The following CADPS2 variants were observed in gnomAD, a reference collection of about 807,000 sequenced individuals.
CADPS2 encodes calcium-dependent secretion activator 2.
In CADPS2, 93 loss-of-function variants were observed where a neutral mutation model predicts 172.5. The observed-to-expected ratio is 0.54, with a 90% CI of 0.46 to 0.64. CADPS2 has a LOEUF of 0.64. Among genes scored for constraint, CADPS2 ranks in the 30% least tolerant of loss-of-function variants. The pLI, the probability that CADPS2 is intolerant of heterozygous loss-of-function variation, is 0.00. For synonymous variants in CADPS2, 546 were observed against 555.2 expected, an observed-to-expected ratio of 0.98 and a Z score of 0.23; for missense variants, 1,420 against 1,565.9, an observed-to-expected ratio of 0.91 and a Z score of 1.57.
intron 2 of CADPS2, among the ~76,000 whole-genome samples, chr7:122,677,663 TA>T (rs2082527437): frequency 1.3e-5 from 2 of 151,850 alleles, no homozygotes; most frequent in African/African-American, 4.8e-5. Flanking sequence ...ACAACAACAA[TA>T]AAAACCCAAA....
At chr7:122,346,447 C>T (rs949585634) in intron 27 of CADPS2, among the ~76,000 whole-genome samples, 6 of 151,884 alleles carry the variant, frequency 4.0e-5, no homozygotes, top group African/African-American at 7.3e-5. Flanking sequence ...CTACTATGGG[C>T]GTTCAAGGAA....
At chr7:122,541,725 A>G (rs998447354) in intron 8 of CADPS2, among the ~76,000 whole-genome samples, 2 of 144,876 alleles carry the variant, frequency 1.4e-5, no homozygotes, top group Non-Finnish European at 3.0e-5. Flanking sequence ...ACATATATTC[A>G]TATATATTTA....
intron 9 of CADPS2, among the ~76,000 whole-genome samples, chr7:122,502,026 C>A (rs2059247850): frequency 6.6e-6 from 1 of 151,846 alleles, no homozygotes; most frequent in Non-Finnish European, 1.5e-5. Flanking sequence ...TCCCGAATAG[C>A]AAGCCAATTA....
chr7:122,593,673 T>G (rs994638177), intron 6 of CADPS2, among the ~76,000 whole-genome samples: 1 of 151,942 alleles, frequency 6.6e-6, no homozygotes, highest in Non-Finnish European at 1.5e-5. Context: ...GTTTTGAATA[T>G]TAAAGTTTTC....
At chr7:122,600,474 G>A (rs1304891778) in intron 6 of CADPS2, among the ~76,000 whole-genome samples, 1 of 152,038 alleles carries the variant, frequency 6.6e-6, no homozygotes, top group African/African-American at 2.4e-5. Context: ...TCATCTGTTA[G>A]TAAGTCTCAT....
At chr7:122,412,340 T>C (rs2047410433) in intron 19 of CADPS2, among the ~76,000 whole-genome samples, 1 of 152,196 alleles carries the variant, frequency 6.6e-6, no homozygotes, top group African/African-American at 2.4e-5. Context: ...CTTTAGTATA[T>C]TCCTTAGGCA....
At chr7:122,468,702 G>C (rs1007862968) in intron 14 of CADPS2, among the ~76,000 whole-genome samples, 6 of 152,174 alleles carry the variant, frequency 3.9e-5, no homozygotes, top group Non-Finnish European at 8.8e-5. Context: ...GGGTCAGTTT[G>C]CAAATTTCAG....
intron 1 of CADPS2, among the ~76,000 whole-genome samples, chr7:122,807,787 A>G (rs2190258): frequency 0.44 from 66,536 of 151,742 alleles, 17,054 homozygotes; most frequent in African/African-American, 0.72. Context: ...GCATTGGGGG[A>G]AGGTGGTCTG....
intron 1 of CADPS2, among the ~76,000 whole-genome samples, chr7:122,747,123 C>G (rs922953049): frequency 1.3e-5 from 2 of 152,060 alleles, no homozygotes; most frequent in Non-Finnish European, 2.9e-5. Flanking sequence ...TGAGAGATGA[C>G]TGTGGAGGCA....
Position 122,362,099 on chromosome 7 carries a change from C to A in CADPS2, c.3388-1086G>T, listed in dbSNP as rs1002280403. On this transcript the variant is annotated intron_variant, in intron 25 of 29. Transcript: ENST00000449022. ...GAAAAACAAAAACAAAAACAAAAAA[C>A]CAAAAAACAAACAAACAAAAAAAAT... Among the ~76,000 whole-genome samples the A allele has an allele frequency of 4.6e-5, 7 of 151,802 alleles. No individual in the cohort carries two copies. In the South Asian group the frequency reaches 8.3e-4, roughly 18 times the overall value.
intron 28 of CADPS2, among the ~76,000 whole-genome samples, chr7:122,343,277 T>C (rs2037062408): frequency 6.6e-6 from 1 of 152,182 alleles, no homozygotes; most frequent in South Asian, 2.1e-4. Flanking sequence ...CTACCGGGGA[T>C]ATTCAAAATA....
chr7:122,541,760 T>C (rs2063029927), intron 8 of CADPS2, among the ~76,000 whole-genome samples: 1 of 145,542 alleles, frequency 6.9e-6, no homozygotes, highest in East Asian at 2.0e-4. Flanking sequence ...TATATTCATA[T>C]ATTTATATAT....
At chr7:122,778,687 A>G (rs13239193) in intron 1 of CADPS2, among the ~76,000 whole-genome samples, 28,443 of 152,162 alleles carry the variant, frequency 0.19, 2,753 homozygotes, top group Middle Eastern at 0.26. Context: ...CACGGGGTGC[A>G]AGCCCCAAGC....
chr7:122,769,740 T>G (rs1216422967), intron 1 of CADPS2, among the ~76,000 whole-genome samples: 1 of 152,202 alleles, frequency 6.6e-6, no homozygotes, highest in Non-Finnish European at 1.5e-5. Context: ...ACAAAAGGCA[T>G]GGGCTTCAGG....
At chr7:122,865,037 A>G (rs2050244807) in intron 1 of CADPS2, among the ~76,000 whole-genome samples, 1 of 152,102 alleles carries the variant, frequency 6.6e-6, no homozygotes, top group Non-Finnish European at 1.5e-5. Context: ...TGTTTGGGTG[A>G]TGGGGGTGGA....
intron 1 of CADPS2, among the ~76,000 whole-genome samples, chr7:122,852,834 C>G (rs1270299176): frequency 6.6e-6 from 1 of 152,210 alleles, no homozygotes; most frequent in Non-Finnish European, 1.5e-5. Context: ...TCTGTTATAA[C>G]GGAATCCCTC....
At chr7:122,457,327 T>C (rs2053905118) in intron 14 of CADPS2, among the ~76,000 whole-genome samples, 1 of 152,218 alleles carries the variant, frequency 6.6e-6, no homozygotes, top group Non-Finnish European at 1.5e-5. Context: ...GTTCACACAT[T>C]TTATAGATCC....
intron 1 of CADPS2, among the ~76,000 whole-genome samples, chr7:122,746,695 C>T (rs1026497703): frequency 6.6e-5 from 10 of 151,970 alleles, no homozygotes; most frequent in Admixed American, 2.0e-4. Context: ...TTGTGTTGGG[C>T]TGCATTGAAA....
At chr7:122,514,695 T>A (rs1032853560) in intron 8 of CADPS2, among the ~76,000 whole-genome samples, 1 of 152,148 alleles carries the variant, frequency 6.6e-6, no homozygotes. Flanking sequence ...TAGGGATACA[T>A]AGAACAGTGT....
Sources: allele counts gnomAD v4.1 joint callset (sites outside exome capture counted in the v4.1 genomes callset), GRCh38; gene constraint gnomAD v4.1.1; transcripts MANE v1.5; gene names NCBI Gene and HGNC (gene_info 2026-07-23, HGNC 2026-07-21).